The following CLUAP1 variants were observed in gnomAD, a reference collection of about 807,000 sequenced individuals.
The protein encoded by CLUAP1 is clusterin-associated protein 1.
In CLUAP1, 50 loss-of-function variants were observed where a neutral mutation model predicts 55.0. The ratio of observed to expected loss-of-function variants is 0.91; its 90% confidence interval spans 0.72 to 1.15. The LOEUF (loss-of-function observed/expected upper bound fraction) is 1.15. Among genes scored for constraint, CLUAP1 ranks in the 50% most tolerant of loss-of-function variants. The probability of loss-of-function intolerance (pLI) is 0.00; values close to 1 mark genes in which losing one functional copy is unlikely to be tolerated. For synonymous variants in CLUAP1, 195 were observed against 175.4 expected, an observed-to-expected ratio of 1.11 and a Z score of -0.88; for missense variants, 530 against 507.6, an observed-to-expected ratio of 1.04 and a Z score of -0.42.
chr16:3,496,574 G>A (rs1166141889), upstream of CLUAP1: 8 of 539,342 alleles, frequency 1.5e-5, no homozygotes, highest in Admixed American at 1.2e-4. Context: ...CCTGACTTTC[G>A]ATCAGCTGGC....
chr16:3,529,632 ATTATTAT>A (rs2038044064), intron 9 of CLUAP1, among the ~76,000 whole-genome samples: 5 of 15,890 alleles, frequency 3.1e-4, no homozygotes, highest in African/African-American at 1.9e-3. Flanking sequence ...TATATTATAT[ATTATTAT>A]ATATTATATA....
intron 1 of CLUAP1, among the ~76,000 whole-genome samples, 160 bp downstream of exon 1, chr16:3,501,249 G>A (rs1267218433): frequency 6.6e-6 from 1 of 152,252 alleles, no homozygotes; most frequent in Non-Finnish European, 1.5e-5. Flanking sequence ...GCTGCAACCC[G>A]GCCGAGCGTC....
intron 8 of CLUAP1, among the ~76,000 whole-genome samples, chr16:3,526,148 C>T (rs1596399975): frequency 1.3e-5 from 2 of 152,176 alleles, no homozygotes; most frequent in African/African-American, 4.8e-5. Context: ...CAGGGAAATG[C>T]AATCGGAGAA....
intron 11 of CLUAP1, 96 bp downstream of exon 11, chr16:3,532,937 C>A (rs1329960607): frequency 6.8e-7 from 1 of 1,475,902 alleles, no homozygotes; most frequent in Non-Finnish European, 9.5e-7. Context: ...GCCAGGGAGC[C>A]GTCTATGGTC....
upstream of CLUAP1, among the ~76,000 whole-genome samples, chr16:3,500,542 G>T (rs1034461807): frequency 1.8e-4 from 28 of 152,006 alleles, no homozygotes; most frequent in Admixed American, 1.4e-3. Flanking sequence ...GCAAATTTTT[G>T]TATTTTTTGG....
chr16:3,507,195 T>TAA (rs771481481), intron 3 of CLUAP1, among the ~76,000 whole-genome samples: 87 of 131,582 alleles, frequency 6.6e-4, no homozygotes, highest in African/African-American at 2.3e-3. Context: ...GACTCTGTCT[T>TAA]AAAAAAAAAA....
chr16:3,520,458 T>C (rs1338097684), intron 7 of CLUAP1, among the ~76,000 whole-genome samples: 1 of 152,040 alleles, frequency 6.6e-6, no homozygotes, highest in African/African-American at 2.4e-5. Context: ...TCTCAAGCAA[T>C]GAAAAAAAGC....
chr16:3,525,204 C>T (rs1450745123), intron 8 of CLUAP1, among the ~76,000 whole-genome samples: 1 of 152,142 alleles, frequency 6.6e-6, no homozygotes, highest in Non-Finnish European at 1.5e-5. Context: ...GAGTTTAGAA[C>T]ATTTTAAACA....
chr16:3,518,986 G>A (rs900870877), intron 6 of CLUAP1, among the ~76,000 whole-genome samples: 4 of 152,338 alleles, frequency 2.6e-5, no homozygotes, highest in Non-Finnish European at 5.9e-5. Context: ...ACTTAATGCA[G>A]GGCTGGAAAG....
At position 3,506,342 on chromosome 16, in the gene CLUAP1, A is replaced by G; in HGVS notation, c.146A>G (p.Gln49Arg). The change falls in exon 3 of 12, where the codon CAG becomes CGG. Residue 49 changes from glutamine (Q) to arginine (R), a missense_variant. Transcript: ENST00000576634. Reference protein sequence around the residue: ...LLWLVKRYEPQTDIPPDVDTE... With the variant: ...LLWLVKRYEPRTDIPPDVDTE... ...ACCTCTCTTGATAGATATGAGCCCC[A>G]GACTGACATCCCGCCTGACGTGGAT... is the stretch of plus-strand genomic sequence containing the variant. 6.2e-7 allele frequency: 1 copy of G among 1,613,894 alleles called. No individual in the cohort carries two copies. Among genetic ancestry groups the G allele is most frequent in the Non-Finnish European group, 8.5e-7 (1 of 1,179,802 alleles).
chr16:3,496,140 C>CAAA (rs74546027), upstream of CLUAP1: 16 of 342,952 alleles, frequency 4.7e-5, no homozygotes, highest in Non-Finnish European at 6.7e-5. Context: ...GACTCCGTCT[C>CAAA]AAAAAAAAAA....
upstream of CLUAP1, chr16:3,496,849 A>C: frequency 3.7e-6 from 1 of 270,954 alleles, no homozygotes; most frequent in Non-Finnish European, 7.3e-6. Flanking sequence ...GTCACAGACG[A>C]CCTGATTTTT....
At chr16:3,521,324 T>A (rs1272470832) in intron 7 of CLUAP1, among the ~76,000 whole-genome samples, 6 of 152,172 alleles carry the variant, frequency 3.9e-5, no homozygotes, top group Non-Finnish European at 7.4e-5. Context: ...TAATTATTTC[T>A]GAGTTTATCT....
At position 3,520,044 on chromosome 16, in the gene CLUAP1, T is replaced by A. The variant is rs767643895; in HGVS notation, c.713+8T>A. 3 of 1,601,304 alleles carry A rather than the reference T, an allele frequency of 1.9e-6. No homozygotes were observed. In the African/African-American group the frequency reaches 4.1e-5, roughly 22 times the overall value. Reference sequence around the variant, plus strand: ...GACTCTGCAGAGTGTCAGGTAGATATGAACACTTGGAGAATGAGTAGAAAG... The same window carrying A: ...GACTCTGCAGAGTGTCAGGTAGATAAGAACACTTGGAGAATGAGTAGAAAG... On this transcript the variant is annotated splice_region_variant and intron_variant, in intron 7 of 11. Coordinates refer to ENST00000576634, the MANE Select transcript of CLUAP1 (RefSeq NM_015041.3).
At chr16:3,516,473 T>C (rs898527717) in intron 6 of CLUAP1, among the ~76,000 whole-genome samples, 2 of 152,024 alleles carry the variant, frequency 1.3e-5, no homozygotes, top group Admixed American at 6.6e-5. Context: ...TGGTGACAGA[T>C]AGGCAGATGG....
At chr16:3,507,064 C>T (rs554084247) in intron 3 of CLUAP1, among the ~76,000 whole-genome samples, 5 of 151,750 alleles carry the variant, frequency 3.3e-5, no homozygotes, top group African/African-American at 4.8e-5. Flanking sequence ...GATGTGGTGG[C>T]GGGCACCTGT....
rs1468966762 is a variant in CLUAP1 at position 3,536,229 on chromosome 16, C to T, written c.1200C>T (p.Val400=). Residue 400 remains valine (V), a synonymous_variant, in exon 12 of 12, where the codon GTC becomes GTT. Transcript: ENST00000576634. ...CACCAACCAAGCCCAATCGAAGGGT[C>T]CGGAAATCTGAACCCCTGGATGAGA... The part of the protein sequence containing the change: ...SLSPTKPNRR[V]RKSEPLDESD... The T allele has an allele frequency of 1.2e-6, 2 of 1,613,968 alleles. No individual in the cohort carries two copies. Among genetic ancestry groups the T allele is most frequent in the Non-Finnish European group, 1.7e-6 (2 of 1,180,022 alleles).
At chr16:3,511,672 C>G (rs79937757) in intron 4 of CLUAP1, among the ~76,000 whole-genome samples, 304 of 152,294 alleles carry the variant, frequency 2.0e-3, no homozygotes, top group Non-Finnish European at 3.4e-3. Flanking sequence ...TTTCTCCCAG[C>G]TATGCCCTCC....
chr16:3,510,143 C>T (rs1437194924), intron 4 of CLUAP1, among the ~76,000 whole-genome samples: 2 of 152,108 alleles, frequency 1.3e-5, no homozygotes, highest in South Asian at 2.1e-4. Flanking sequence ...TACAGGCATG[C>T]GCCACCACAC....
Sources: allele counts gnomAD v4.1 joint callset (sites outside exome capture counted in the v4.1 genomes callset), GRCh38; gene constraint gnomAD v4.1.1; transcripts MANE v1.5; gene names NCBI Gene and HGNC (gene_info 2026-07-23, HGNC 2026-07-21).